GAL3ST1: variants seen among roughly 807,000 people sequenced by gnomAD.
The protein encoded by GAL3ST1 is galactosylceramide sulfotransferase.
In GAL3ST1, 13 loss-of-function variants were observed where a neutral mutation model predicts 25.0. The observed-to-expected ratio is 0.52, with a 90% confidence interval of 0.34 to 0.83. The LOEUF (loss-of-function observed/expected upper bound fraction) is 0.83. Among genes scored for constraint, GAL3ST1 ranks in the 40% least tolerant of loss-of-function variants. The pLI is 0.02. For missense variants in GAL3ST1, 474 were observed against 613.6 expected (o/e 0.77, Z 2.40); for synonymous variants, 274 against 277.8 (o/e 0.99, Z 0.14).
intron 1 of GAL3ST1, among the ~76,000 whole-genome samples, chr22:30,561,661 T>C (rs1295413942): frequency 2.6e-5 from 4 of 152,072 alleles, no homozygotes; most frequent in Admixed American, 2.6e-4. Flanking sequence ...GAAAGTTGCA[T>C]TGCAGGAAGT....
At chr22:30,556,263 C>A (rs551560184) in intron 3 of GAL3ST1, among the ~76,000 whole-genome samples, 170 bp from the exon 4 acceptor site, 2 of 152,256 alleles carry the variant, frequency 1.3e-5, no homozygotes, top group East Asian at 3.9e-4. Context: ...TTTGGCCTCT[C>A]TAGCCTCATG....
At chr22:30,567,322 GAGT>G (rs1223100694) in intron 1 of GAL3ST1, among the ~76,000 whole-genome samples, 1 of 152,182 alleles carries the variant, frequency 6.6e-6, no homozygotes, top group Non-Finnish European at 1.5e-5. Context: ...ACCCAGGCTG[GAGT>G]ACAGTGGCGT....
intron 1 of GAL3ST1, among the ~76,000 whole-genome samples, chr22:30,564,266 AG>A (rs2086551292): frequency 6.6e-6 from 1 of 152,220 alleles, no homozygotes; most frequent in Admixed American, 6.5e-5. Context: ...CCAGGGTCCC[AG>A]CCACAACCCC....
intron 3 of GAL3ST1, 55 bp downstream of exon 3, chr22:30,557,207 G>A (rs1022151928): frequency 6.3e-7 from 1 of 1,590,634 alleles, no homozygotes; most frequent in Non-Finnish European, 8.6e-7. Flanking sequence ...CCCCATGGGT[G>A]GGGTGCCATC....
intron 1 of GAL3ST1, among the ~76,000 whole-genome samples, chr22:30,562,323 T>G (rs1194687811): frequency 6.6e-6 from 1 of 152,168 alleles, no homozygotes; most frequent in East Asian, 1.9e-4. Context: ...CTCAAGTGCA[T>G]ACCACCCATG....
At chr22:30,559,238 T>G (rs1268280670) in intron 1 of GAL3ST1, among the ~76,000 whole-genome samples, 1 of 152,210 alleles carries the variant, frequency 6.6e-6, no homozygotes, top group Non-Finnish European at 1.5e-5. Context: ...TTTTCATTTT[T>G]ATATGTTTAT....
chr22:30,567,345 T>C (rs975894734), intron 1 of GAL3ST1, among the ~76,000 whole-genome samples: 2 of 152,160 alleles, frequency 1.3e-5, no homozygotes, highest in Admixed American at 6.5e-5. Context: ...TGATCATGAC[T>C]CACTGCAGCC....
intron 1 of GAL3ST1, among the ~76,000 whole-genome samples, chr22:30,568,484 T>A (rs933346342): frequency 6.6e-6 from 1 of 152,154 alleles, no homozygotes; most frequent in Non-Finnish European, 1.5e-5. Context: ...TGGGCGGAGC[T>A]GGGAGGAGCC....
chr22:30,566,339 C>T (rs1024704926), intron 1 of GAL3ST1, among the ~76,000 whole-genome samples: 27 of 152,260 alleles, frequency 1.8e-4, no homozygotes, highest in Admixed American at 1.4e-3. Flanking sequence ...GAACCCAACA[C>T]GGTCCACTTC....
At chr22:30,571,769 CAGG>C (rs909755568) in intron 1 of GAL3ST1, among the ~76,000 whole-genome samples, 18 of 152,278 alleles carry the variant, frequency 1.2e-4, no homozygotes, top group African/African-American at 3.4e-4. Context: ...GAGGCTGAGG[CAGG>C]AGAATGGTGT....
chr22:30,568,839 G>A (rs987476475), intron 1 of GAL3ST1, among the ~76,000 whole-genome samples: 1 of 152,066 alleles, frequency 6.6e-6, no homozygotes, highest in Non-Finnish European at 1.5e-5. Flanking sequence ...ACTTTGGGAG[G>A]CTAAGGCGGG....
intron 2 of GAL3ST1, 26 bp from the exon 3 acceptor site, chr22:30,557,427 A>G: frequency 6.2e-7 from 1 of 1,612,426 alleles, no homozygotes; most frequent in Non-Finnish European, 8.5e-7. Flanking sequence ...AGAGTAGGGC[A>G]AGTGTCAGGA....
Position 30,554,854 on chromosome 22 carries a change from G to A in GAL3ST1, c.*99C>T. Reference sequence around the variant, plus strand: ...CCCCCCTCACCCCGGGGTCTGAGGTGGCACCAGGAGGGGGCTGGGGGCGGC... The same window carrying A: ...CCCCCCTCACCCCGGGGTCTGAGGTAGCACCAGGAGGGGGCTGGGGGCGGC... On this transcript the variant is annotated 3_prime_UTR_variant, in exon 4 of 4. Transcript: ENST00000406361. 1 of 956,214 alleles carries A rather than the reference G, an allele frequency of 1.0e-6. No individual in the cohort carries two copies. Among genetic ancestry groups the A allele is most frequent in the Non-Finnish European group, 1.5e-6 (1 of 668,106 alleles). The allele number at this position is 956,214 out of a possible 1,614,324, so 59.2% of individuals were successfully genotyped here.
rs749547797 is a variant in GAL3ST1 at position 30,555,775 on chromosome 22, G to A, written c.450C>T (p.Arg150=). 3.1e-6 allele frequency: 5 copies of A among 1,614,024 alleles called. No homozygotes were observed. The African/African-American group carries it at 4.0e-5, about 13-fold the overall frequency. ...NHMRFHYDEV[R]GLVPTNAIFI... ...AGATGGCGTTGGTCGGCACCAGGCC[G>A]CGCACCTCGTCGTAGTGGAAGCGCA... Residue 150 remains arginine (R), a synonymous_variant, in exon 4 of 4, where the codon CGC becomes CGT. Transcript: ENST00000406361. This position sits in a 1 kb window ranked among gnomAD's most constrained non-coding sequence, Gnocchi z 8.6.
chr22:30,573,168 G>A (rs1233697051), intron 1 of GAL3ST1, among the ~76,000 whole-genome samples: 2 of 152,184 alleles, frequency 1.3e-5, no homozygotes, highest in African/African-American at 2.4e-5. Flanking sequence ...AGTGTCAGGC[G>A]GAGCTGGGAG....
chr22:30,572,633 G>C (rs879355619), intron 1 of GAL3ST1: 1 of 152,334 alleles, frequency 6.6e-6, no homozygotes, highest in African/African-American at 2.4e-5. Context: ...GAACTAGCAG[G>C]AGGGAAGGCA....
intron 1 of GAL3ST1, among the ~76,000 whole-genome samples, chr22:30,571,500 A>G (rs1393263204): frequency 6.6e-6 from 1 of 152,118 alleles, no homozygotes; most frequent in African/African-American, 2.4e-5. Context: ...CAGTTGAGAG[A>G]GGGTAATGTT....
intron 1 of GAL3ST1, among the ~76,000 whole-genome samples, chr22:30,567,973 G>C (rs932535591): frequency 2.6e-5 from 4 of 152,162 alleles, no homozygotes; most frequent in Non-Finnish European, 2.9e-5. Context: ...GTGAGCCACC[G>C]CGCCCAGCCC....
At position 30,557,347 on chromosome 22, in the gene GAL3ST1, G is replaced by C; in HGVS notation, c.46C>G (p.Leu16Val). ...KKPWESMAKG[L>V]VLGALFTSFL... ...CTAGTGAAGAGCGCGCCCAGCACCA[G>C]CCCCTTAGCCATGGACTCCCAGGGC... Residue 16 changes from leucine to valine, a missense_variant, in exon 3 of 4, where the codon CTG becomes GTG. Physicochemically the swap from Leu to Val is conservative, Grantham distance 32 (BLOSUM62 1). Transcript: ENST00000406361. 1 of 1,614,178 alleles carries C rather than the reference G, an allele frequency of 6.2e-7. No individual in the cohort carries two copies. Among genetic ancestry groups the C allele is most frequent in the Non-Finnish European group, 8.5e-7 (1 of 1,179,978 alleles).
Sources: allele counts gnomAD v4.1 joint callset (sites outside exome capture counted in the v4.1 genomes callset), GRCh38; gene constraint gnomAD v4.1.1; non-coding constraint Gnocchi (gnomAD v3.1); transcripts MANE v1.5; gene names NCBI Gene and HGNC (gene_info 2026-07-23, HGNC 2026-07-21).